The following CACNA2D2 variants were observed in gnomAD, a reference collection of about 807,000 sequenced individuals.
The protein encoded by CACNA2D2 is calcium voltage-gated channel auxiliary subunit alpha2delta 2, also known as voltage-dependent calcium channel subunit alpha-2/delta-2.
A neutral mutation model predicts 166.4 loss-of-function variants in CACNA2D2; 48 were observed. That is an observed-to-expected ratio of 0.29 (90% CI 0.23 to 0.37). The LOEUF (loss-of-function observed/expected upper bound fraction) is 0.37. Ranked by LOEUF, CACNA2D2 falls within the 10% of genes least tolerant of loss-of-function variation. The probability of loss-of-function intolerance (pLI) is 1.00; values close to 1 mark genes in which losing one functional copy is unlikely to be tolerated. For missense variants in CACNA2D2, 1,122 were observed against 1,433.0 expected (o/e 0.78, Z 3.50); for synonymous variants, 561 against 573.7 (o/e 0.98, Z 0.32).
At chr3:50,439,545 C>T (rs1035210725) in intron 2 of CACNA2D2, among the ~76,000 whole-genome samples, 13 of 152,316 alleles carry the variant, frequency 8.5e-5, no homozygotes, top group East Asian at 5.8e-4. Context: ...GGGAGACTGG[C>T]GCTCCAATCC....
intron 1 of CACNA2D2, among the ~76,000 whole-genome samples, chr3:50,502,913 G>T (rs996173148): frequency 6.6e-6 from 1 of 152,136 alleles, no homozygotes; most frequent in Non-Finnish European, 1.5e-5. Flanking sequence ...AGCGGCAGGG[G>T]AATCAGCTGA....
intron 2 of CACNA2D2, among the ~76,000 whole-genome samples, chr3:50,463,520 CCA>C (rs1709684967): frequency 1.3e-5 from 2 of 152,102 alleles, no homozygotes; most frequent in Non-Finnish European, 2.9e-5. Flanking sequence ...CTGGTCTCCC[CCA>C]GAGTCTATGC....
chr3:50,382,022 A>AC (rs10665048), intron 6 of CACNA2D2, among the ~76,000 whole-genome samples: 185 of 149,448 alleles, frequency 1.2e-3, no homozygotes, highest in African/African-American at 4.2e-3. Flanking sequence ...ACACACACAC[A>AC]AACAAGGCTC....
intron 2 of CACNA2D2, among the ~76,000 whole-genome samples, chr3:50,445,793 C>T (rs1708817481): frequency 6.6e-6 from 1 of 152,204 alleles, no homozygotes; most frequent in African/African-American, 2.4e-5. Context: ...CTGAAAAATG[C>T]AGGGGTGGGG....
intron 3 of CACNA2D2, among the ~76,000 whole-genome samples, chr3:50,402,049 T>C (rs1386071202): frequency 1.3e-5 from 2 of 152,230 alleles, no homozygotes; most frequent in East Asian, 3.8e-4. Context: ...AGGAAGGCCA[T>C]GAGCTCTGGG....
chr3:50,364,786 G>A lies in CACNA2D2; in HGVS notation c.3312C>T (p.Gly1104=), dbSNP rs1464535084. The change falls in exon 38 of 38, where the codon GGC becomes GGT. Residue 1104 remains glycine, a synonymous_variant. Transcript: ENST00000424201. ...GCGACGGCGGGAAGGAGGCCCCGCG[G>A]CCACAGTCTGAGGTATCTTCCTGCG... ...YNATEDTSDC[G]RGASFPPSLG... is the part of the protein sequence containing the mutation. The A allele has an allele frequency of 2.5e-6, 4 of 1,603,942 alleles. No homozygotes were observed. The highest frequency in any genetic ancestry group is 3.4e-6 in the Non-Finnish European group (4 of 1,175,910).
rs1704355541 is a variant in CACNA2D2 at position 50,367,189 on chromosome 3, A to G, written c.2402-80T>C. ...CTATGCTGGGTCCTACAAACCCAGC[A>G]GTCCAATCCCGGGATGACTCCAGCC... On this transcript the variant is annotated intron_variant, in intron 27 of 37. Transcript: ENST00000424201. The surrounding 1 kb of genome is among the most constrained non-coding windows in gnomAD (Gnocchi z 6.5). 8.5e-7 allele frequency: 1 copy of G among 1,170,358 alleles called. No homozygotes were observed. The highest frequency in any genetic ancestry group is 1.5e-5 in the African/African-American group (1 of 66,220). 72.5% of individuals were successfully genotyped at this position (1,170,358 alleles called of 1,614,324 possible).
chr3:50,434,252 A>G lies in CACNA2D2; in HGVS notation c.405+61T>C, dbSNP rs920813204. The stretch of plus-strand genomic sequence containing the variant: ...GCTCAGGACACTGCCCTCATGGTAC[A>G]GGACCTCTCCACCTGGCCCTCCCTC... On this transcript the variant is annotated intron_variant, in intron 3 of 37. Coordinates refer to ENST00000424201, the MANE Select transcript of CACNA2D2 (RefSeq NM_006030.4). 5 of 1,155,722 alleles carry G rather than the reference A, an allele frequency of 4.3e-6. No individual in the cohort carries two copies. The Admixed American group carries it at 5.1e-5, about 12-fold the overall frequency. The allele number at this position is 1,155,722 out of a possible 1,614,324, so 71.6% of individuals were successfully genotyped here.
intron 5 of CACNA2D2, among the ~76,000 whole-genome samples, chr3:50,385,595 CTCTTT>C (rs1705559779): frequency 7.0e-6 from 1 of 141,866 alleles, no homozygotes; most frequent in South Asian, 2.7e-4. Flanking sequence ...GTGGCAGACA[CTCTTT>C]TCATCTCTTT....
chr3:50,487,939 C>G (rs751405467), intron 1 of CACNA2D2, among the ~76,000 whole-genome samples: 5 of 152,148 alleles, frequency 3.3e-5, no homozygotes, highest in Non-Finnish European at 5.9e-5. Context: ...AGATGCAGGC[C>G]TGTCCTTGGG....
intron 2 of CACNA2D2, among the ~76,000 whole-genome samples, chr3:50,472,326 G>A (rs564630267): frequency 2.0e-5 from 3 of 152,346 alleles, no homozygotes; most frequent in Admixed American, 6.5e-5. Context: ...CCTGACCAGC[G>A]CGCAAGCTAT....
At chr3:50,486,851 C>A (rs138397018) in intron 1 of CACNA2D2, among the ~76,000 whole-genome samples, 1 of 152,318 alleles carries the variant, frequency 6.6e-6, no homozygotes, top group East Asian at 1.9e-4. Context: ...GAACATCTTC[C>A]GCCTACCAGA....
chr3:50,443,314 T>C (rs937151070), intron 2 of CACNA2D2, among the ~76,000 whole-genome samples: 2 of 152,210 alleles, frequency 1.3e-5, no homozygotes, highest in African/African-American at 4.8e-5. Flanking sequence ...TGGCCCTGCC[T>C]TCCTTTCATC....
chr3:50,412,896 G>A (rs1707087758), intron 3 of CACNA2D2, among the ~76,000 whole-genome samples: 1 of 152,156 alleles, frequency 6.6e-6, no homozygotes. Flanking sequence ...CTCAGCCTGG[G>A]GGGGTGCTGG....
chr3:50,413,190 G>A (rs1418943445), intron 3 of CACNA2D2, among the ~76,000 whole-genome samples: 2 of 152,112 alleles, frequency 1.3e-5, no homozygotes, highest in African/African-American at 4.8e-5. Flanking sequence ...GGGTGGTGGT[G>A]GAGCATGAGG....
intron 3 of CACNA2D2, among the ~76,000 whole-genome samples, chr3:50,400,334 C>G (rs1385762327): frequency 2.0e-5 from 3 of 152,220 alleles, no homozygotes; most frequent in African/African-American, 7.2e-5. Flanking sequence ...GTCCATCCAC[C>G]TCCTGCTCCA....
intron 2 of CACNA2D2, among the ~76,000 whole-genome samples, chr3:50,441,954 C>G (rs986176351): frequency 2.0e-5 from 3 of 152,212 alleles, no homozygotes; most frequent in Non-Finnish European, 4.4e-5. Context: ...GTGAGCCCCC[C>G]ACCACAGGGA....
chr3:50,434,228 C>T, intron 3 of CACNA2D2, 85 bp downstream of exon 3: 2 of 932,448 alleles, frequency 2.1e-6, no homozygotes, highest in Non-Finnish European at 3.5e-6. Flanking sequence ...GTGATGAAGG[C>T]TCAGGACACT....
intron 1 of CACNA2D2, among the ~76,000 whole-genome samples, chr3:50,499,353 C>A (rs1698858981): frequency 6.6e-6 from 1 of 152,248 alleles, no homozygotes; most frequent in Admixed American, 6.5e-5. Context: ...AGACTGGCTA[C>A]CGCCCGGCTG....
Sources: allele counts gnomAD v4.1 joint callset (sites outside exome capture counted in the v4.1 genomes callset), GRCh38; gene constraint gnomAD v4.1.1; non-coding constraint Gnocchi (gnomAD v3.1); transcripts MANE v1.5; gene names NCBI Gene and HGNC (gene_info 2026-07-23, HGNC 2026-07-21).